Variants in FTCDNL1 observed in about 807,000 individuals in gnomAD.
The protein encoded by FTCDNL1 is formiminotransferase N-terminal subdomain-containing protein.
A neutral mutation model predicts 5.9 loss-of-function variants in FTCDNL1; 11 were observed. The ratio of observed to expected loss-of-function variants is 1.87; its 90% CI spans 1.18 to 3.10. The LOEUF (loss-of-function observed/expected upper bound fraction) is 3.10. Ranked by LOEUF, FTCDNL1 falls within the 30% of genes most tolerant of loss-of-function variation. The pLI, the probability that FTCDNL1 is intolerant of heterozygous loss-of-function variation, is 0.00. For synonymous variants in FTCDNL1, 58 were observed against 24.8 expected, an observed-to-expected ratio of 2.34 and a Z score of -3.99; for missense variants, 115 against 65.5, an observed-to-expected ratio of 1.76 and a Z score of -2.61.
intron 4 of FTCDNL1, among the ~76,000 whole-genome samples, chr2:199,816,960 G>A (rs1391499827): frequency 6.6e-6 from 1 of 152,180 alleles, no homozygotes; most frequent in Non-Finnish European, 1.5e-5. Context: ...GCCCGCTGGT[G>A]ATACTGCTTA....
chr2:199,752,807 C>A, the FTCDNL1 span, among the ~76,000 whole-genome samples: 1 of 138,224 alleles, frequency 7.2e-6, no homozygotes, highest in African/African-American at 2.7e-5. Context: ...TTCGGGTCTT[C>A]AACTAAATTG....
At chr2:199,838,197 C>A (rs1165979300) in intron 3 of FTCDNL1, among the ~76,000 whole-genome samples, 1 of 152,148 alleles carries the variant, frequency 6.6e-6, no homozygotes, top group Non-Finnish European at 1.5e-5. Context: ...GAGAAATTGT[C>A]TATAGAAACT....
the FTCDNL1 span, among the ~76,000 whole-genome samples, chr2:199,700,276 A>C: frequency 6.6e-6 from 1 of 152,218 alleles, no homozygotes; most frequent in Non-Finnish European, 1.5e-5. Flanking sequence ...TGAGAGCTAA[A>C]TCAAGAATAC....
rs1156419390 is a variant in FTCDNL1, at chr2:199,799,993, GTTA to G, written c.212-39161_212-39159del. Among the ~76,000 whole-genome samples, 3 of 152,102 alleles carry G rather than the reference GTTA, an allele frequency of 2.0e-5. No homozygotes were observed. The East Asian group carries it at 5.8e-4, about 29-fold the overall frequency. On this transcript the variant is annotated intron_variant, in intron 3 of 3. Coordinates refer to the FTCDNL1 transcript ENST00000416668. Reference sequence around the variant, plus strand: ...AAAACAGACAGCTTCCTCCATGGAGGTTACAGGATAATCACTTTTAATCACAGT... The same window carrying G: ...AAAACAGACAGCTTCCTCCATGGAGGCAGGATAATCACTTTTAATCACAGT...
At chr2:199,828,735 A>AG (rs1032003325) in intron 3 of FTCDNL1, among the ~76,000 whole-genome samples, 2 of 152,246 alleles carry the variant, frequency 1.3e-5, no homozygotes, top group Admixed American at 1.3e-4. Context: ...AAATCCCAGA[A>AG]GGCAGTGCCT....
chr2:199,845,977 T>G lies in FTCDNL1; in HGVS notation c.211+98A>C, dbSNP rs1019604493. The G allele has an allele frequency of 1.3e-5, 7 of 549,462 alleles. No individual in the cohort carries two copies. The African/African-American group carries it at 1.3e-4, about 10-fold the overall frequency. 34.0% of individuals were successfully genotyped at this position (549,462 alleles called of 1,614,324 possible). On this transcript the variant is annotated intron_variant, in intron 3 of 4. Coordinates refer to ENST00000420128, the MANE Select transcript of FTCDNL1 (RefSeq NM_001363886.2). The stretch of plus-strand genomic sequence containing the variant: ...AGACTCTTTACTTAATAGAGGGGAG[T>G]ATTCATATTTACAGAGGAAATCAAT...
chr2:199,849,671 G>C (rs1201913435), intron 1 of FTCDNL1, among the ~76,000 whole-genome samples: 1 of 152,076 alleles, frequency 6.6e-6, no homozygotes, highest in East Asian at 1.9e-4. Context: ...AGGTTTTGGA[G>C]GTTGCTTTGA....
chr2:199,775,596 G>A (rs559314267), intron 3 of FTCDNL1, among the ~76,000 whole-genome samples: 1 of 152,282 alleles, frequency 6.6e-6, no homozygotes, highest in African/African-American at 2.4e-5. Context: ...TCCTTTTTCT[G>A]CTCCAGATAT....
the FTCDNL1 span, among the ~76,000 whole-genome samples, chr2:199,703,382 A>G: frequency 6.6e-6 from 1 of 152,202 alleles, no homozygotes. Flanking sequence ...AAATACATCC[A>G]AGATTTTGAT....
chr2:199,681,865 T>G, the FTCDNL1 span, among the ~76,000 whole-genome samples: 1 of 151,942 alleles, frequency 6.6e-6, no homozygotes, highest in African/African-American at 2.4e-5. Flanking sequence ...CTATTAACCA[T>G]TCTCTGCTTT....
intron 3 of FTCDNL1, among the ~76,000 whole-genome samples, chr2:199,782,172 G>A (rs942585361): frequency 1.3e-5 from 2 of 152,190 alleles, no homozygotes; most frequent in East Asian, 3.8e-4. Context: ...ATTTGTGATA[G>A]TTCACTCTCA....
At chr2:199,765,358 G>T (rs2106259888) in intron 3 of FTCDNL1, among the ~76,000 whole-genome samples, 1 of 151,556 alleles carries the variant, frequency 6.6e-6, no homozygotes, top group Non-Finnish European at 1.5e-5. Context: ...AGAAGTATAT[G>T]GGAACTCTGT....
At chr2:199,748,954 G>A in the FTCDNL1 span, among the ~76,000 whole-genome samples, 2 of 152,188 alleles carry the variant, frequency 1.3e-5, no homozygotes, top group Admixed American at 1.3e-4. Flanking sequence ...CCCACAAGGT[G>A]CAGTCCACAC....
At chr2:199,741,457 T>G in the FTCDNL1 span, among the ~76,000 whole-genome samples, 1 of 152,202 alleles carries the variant, frequency 6.6e-6, no homozygotes, top group African/African-American at 2.4e-5. Flanking sequence ...AAATAAGAAC[T>G]AATTCAACAT....
the FTCDNL1 span, among the ~76,000 whole-genome samples, chr2:199,723,461 C>T: frequency 1.3e-5 from 2 of 152,036 alleles, no homozygotes. Flanking sequence ...TATCTAGTGC[C>T]AGTTCTCAAG....
the FTCDNL1 span, among the ~76,000 whole-genome samples, chr2:199,665,036 G>C: frequency 6.6e-6 from 1 of 152,208 alleles, no homozygotes; most frequent in Non-Finnish European, 1.5e-5. Context: ...ACATTTACCA[G>C]CAAGATGCTA....
chr2:199,813,240 T>C (rs1347253308), intron 4 of FTCDNL1, among the ~76,000 whole-genome samples: 1 of 152,174 alleles, frequency 6.6e-6, no homozygotes, highest in Non-Finnish European at 1.5e-5. Flanking sequence ...AAGAGCCCAT[T>C]AGGAAAATGG....
At chr2:199,728,715 G>T in the FTCDNL1 span, among the ~76,000 whole-genome samples, 1 of 152,184 alleles carries the variant, frequency 6.6e-6, no homozygotes, top group Non-Finnish European at 1.5e-5. Context: ...GAATGCAATG[G>T]AACTTGAGCT....
chr2:199,777,489 G>A (rs1699150991), intron 3 of FTCDNL1, among the ~76,000 whole-genome samples: 1 of 152,060 alleles, frequency 6.6e-6, no homozygotes, highest in Admixed American at 6.6e-5. Flanking sequence ...TTCTATTAAA[G>A]TCTTCAACTG....
Sources: gnomAD v4.1 joint callset for allele counts (sites outside exome capture counted in the v4.1 genomes callset) on GRCh38, gnomAD v4.1.1 for gene constraint, MANE v1.5 for transcripts, NCBI Gene and HGNC (gene_info 2026-07-23, HGNC 2026-07-21) for gene names.